The following DNAH9 variants were observed in gnomAD, a reference collection of about 807,000 sequenced individuals.
The protein encoded by DNAH9 is dynein axonemal heavy chain 9, also known as DNAH9 variant protein.
DNAH9 carries 345 observed loss-of-function variants against 471.6 expected under a neutral mutation model. The observed-to-expected ratio is 0.73, with a 90% CI of 0.67 to 0.80. The LOEUF (loss-of-function observed/expected upper bound fraction) is 0.80. DNAH9 is among the 30% of genes least tolerant of loss of function. The probability of loss-of-function intolerance (pLI) is 0.00; values close to 1 mark genes in which losing one functional copy is unlikely to be tolerated. For missense variants in DNAH9, 5,407 were observed against 5,609.2 expected (o/e 0.96, Z 1.15); for synonymous variants, 2,093 against 2,123.6 (o/e 0.99, Z 0.40).
chr17:11,797,930 G>C, intron 43 of DNAH9, 137 bp downstream of exon 43: 1 of 839,284 alleles, frequency 1.2e-6, no homozygotes, highest in Non-Finnish European at 1.8e-6. Flanking sequence ...CAAGATGGCT[G>C]CTGGCAGAGC....
intron 28 of DNAH9, among the ~76,000 whole-genome samples, chr17:11,733,692 C>A (rs1311014908): frequency 6.6e-6 from 1 of 152,002 alleles, no homozygotes; most frequent in East Asian, 1.9e-4. Context: ...CCCGTCTCTA[C>A]TAAAAAATAC....
intron 59 of DNAH9, among the ~76,000 whole-genome samples, chr17:11,895,797 T>C (rs1973199655): frequency 6.6e-6 from 1 of 152,234 alleles, no homozygotes. Flanking sequence ...TATATAACCA[T>C]GTGGGATTGG....
chr17:11,892,019 TTTC>T lies in DNAH9; in HGVS notation c.11283+78_11283+80del. On this transcript the variant is annotated intron_variant, in intron 58 of 68. Coordinates refer to ENST00000262442, the MANE Select transcript of DNAH9 (RefSeq NM_001372.4). The surrounding 1 kb of genome is among the most constrained non-coding windows in gnomAD (Gnocchi z 4.3). Reference sequence around the variant, plus strand: ...GCCCAGACAGCAGGTGTTAAGAAACTTTCTTCTTTGAACATCACTTTCCACAGC... The same window carrying T: ...GCCCAGACAGCAGGTGTTAAGAAACTTTCTTTGAACATCACTTTCCACAGC... 1 of 1,548,336 alleles carries T rather than the reference TTTC, an allele frequency of 6.5e-7. No individual in the cohort carries two copies. Among genetic ancestry groups the T allele is most frequent in the Non-Finnish European group, 8.8e-7 (1 of 1,131,334 alleles).
At chr17:11,900,943 C>T (rs1973390120) in intron 59 of DNAH9, among the ~76,000 whole-genome samples, 1 of 152,174 alleles carries the variant, frequency 6.6e-6, no homozygotes, top group Non-Finnish European at 1.5e-5. Flanking sequence ...AGACCTCCTA[C>T]ACACACACCC....
chr17:11,850,017 C>T (rs1971361856), intron 49 of DNAH9, among the ~76,000 whole-genome samples: 1 of 152,136 alleles, frequency 6.6e-6, no homozygotes, highest in African/African-American at 2.4e-5. Context: ...CTCTCTGAAG[C>T]TTATACTCTA....
intron 49 of DNAH9, among the ~76,000 whole-genome samples, chr17:11,836,538 G>A (rs192474087): frequency 3.3e-5 from 5 of 152,192 alleles, no homozygotes; most frequent in Non-Finnish European, 7.4e-5. Context: ...GGTGTGACCC[G>A]GCTGTACCAC....
chr17:11,818,994 A>G (rs2150937330), intron 45 of DNAH9, among the ~76,000 whole-genome samples: 1 of 151,768 alleles, frequency 6.6e-6, no homozygotes, highest in South Asian at 2.1e-4. Context: ...GCCCGCCCCT[A>G]CTTCCTAATT....
intron 52 of DNAH9, among the ~76,000 whole-genome samples, chr17:11,872,273 C>G (rs916492621): frequency 2.0e-5 from 3 of 152,048 alleles, no homozygotes; most frequent in Admixed American, 2.0e-4. Context: ...ATCCCATGAA[C>G]AGCTGCTCAC....
chr17:11,604,665 T>G (rs941289233), intron 1 of DNAH9, among the ~76,000 whole-genome samples: 5 of 152,312 alleles, frequency 3.3e-5, no homozygotes, highest in African/African-American at 9.6e-5. Context: ...TTCCCGTTGT[T>G]CAAGCCACAG....
At chr17:11,900,776 C>T (rs1243272713) in intron 59 of DNAH9, among the ~76,000 whole-genome samples, 1 of 152,152 alleles carries the variant, frequency 6.6e-6, no homozygotes, top group Non-Finnish European at 1.5e-5. Context: ...AAACTCATGG[C>T]ACTGTGGTAG....
chr17:11,764,540 G>A (rs1967850320), intron 36 of DNAH9, among the ~76,000 whole-genome samples: 1 of 152,008 alleles, frequency 6.6e-6, no homozygotes, highest in East Asian at 1.9e-4. Context: ...CCCTCCCCCA[G>A]CCACTGGCAA....
At chr17:11,948,615 C>A (rs926552952) in intron 67 of DNAH9, among the ~76,000 whole-genome samples, 1 of 152,128 alleles carries the variant, frequency 6.6e-6, no homozygotes, top group Non-Finnish European at 1.5e-5. Flanking sequence ...GCCCTTTCAT[C>A]CCCACCCACT....
chr17:11,744,172 T>C (rs1031913425), intron 30 of DNAH9, among the ~76,000 whole-genome samples: 26 of 152,126 alleles, frequency 1.7e-4, no homozygotes, highest in African/African-American at 6.3e-4. Flanking sequence ...AGCAATCTGC[T>C]ACAAATCAAG....
intron 12 of DNAH9, among the ~76,000 whole-genome samples, chr17:11,649,494 C>A (rs1483513665): frequency 1.3e-5 from 2 of 152,094 alleles, no homozygotes; most frequent in Non-Finnish European, 2.9e-5. Flanking sequence ...AATAATGCTA[C>A]AACAAATATC....
intron 19 of DNAH9, among the ~76,000 whole-genome samples, chr17:11,685,801 ATTT>A (rs66577382): frequency 2.4e-5 from 3 of 123,612 alleles, no homozygotes; most frequent in African/African-American, 3.0e-5. Flanking sequence ...GGATACATTA[ATTT>A]TTTTTTTTTT....
intron 38 of DNAH9, among the ~76,000 whole-genome samples, chr17:11,780,780 G>A (rs556001676): frequency 5.7e-4 from 87 of 152,338 alleles, no homozygotes; most frequent in Admixed American, 3.3e-3. Context: ...CACAGTGCAC[G>A]TGGTGAGGTG....
chr17:11,946,064 G>T (rs1975109210), intron 67 of DNAH9, among the ~76,000 whole-genome samples: 1 of 151,944 alleles, frequency 6.6e-6, no homozygotes, highest in Non-Finnish European at 1.5e-5. Context: ...GCCAGGCGTG[G>T]TGGCACGCAC....
At chr17:11,768,396 G>A in intron 36 of DNAH9, 57 bp from the exon 37 acceptor site, 5 of 1,568,534 alleles carry the variant, frequency 3.2e-6, no homozygotes, top group Non-Finnish European at 4.4e-6. Context: ...GTGGCCTCCT[G>A]TGTGGGCTTC....
rs566566645 is a variant in DNAH9, at chr17:11,959,860, ATGTT to A, written c.12844-2003_12844-2000del. ...ATAAAGTCCTGTTACTTGGGGGAAA[ATGTT>A]TGTAATTCACACTGTACTCATTCAG... On this transcript the variant is annotated intron_variant, in intron 67 of 68. Coordinates refer to ENST00000262442, the MANE Select transcript of DNAH9 (RefSeq NM_001372.4). Among the ~76,000 whole-genome samples, 261 of 152,324 alleles carry A rather than the reference ATGTT, an allele frequency of 1.7e-3. 2 individuals carry two copies. The highest frequency in any genetic ancestry group is 6.0e-3 in the African/African-American group (248 of 41,572).
Sources: gnomAD v4.1 joint callset for allele counts (sites outside exome capture counted in the v4.1 genomes callset) on GRCh38, gnomAD v4.1.1 for gene constraint, Gnocchi (gnomAD v3.1) non-coding constraint, MANE v1.5 for transcripts, NCBI Gene and HGNC (gene_info 2026-07-23, HGNC 2026-07-21) for gene names.